The following LRRTM4 variants were observed in gnomAD, a reference collection of about 807,000 sequenced individuals.
LRRTM4 encodes leucine-rich repeat transmembrane neuronal protein 4.
LRRTM4 carries 25 observed loss-of-function variants against 47.6 expected under a neutral mutation model. The observed-to-expected ratio is 0.53, with a 90% CI of 0.38 to 0.73. The LOEUF (loss-of-function observed/expected upper bound fraction) is 0.73. LRRTM4 is among the 30% of genes least tolerant of loss of function. The probability of loss-of-function intolerance (pLI) is 0.00; values close to 1 mark genes in which losing one functional copy is unlikely to be tolerated. For missense variants in LRRTM4, 638 were observed against 713.4 expected (o/e 0.89, Z 1.20); for synonymous variants, 311 against 269.5 (o/e 1.15, Z -1.51).
intron 3 of LRRTM4, among the ~76,000 whole-genome samples, chr2:77,089,939 T>C (rs1680875165): frequency 6.6e-6 from 1 of 152,078 alleles, no homozygotes; most frequent in African/African-American, 2.4e-5. Flanking sequence ...GTGCAACTCA[T>C]CCCAAATCTT....
chr2:76,872,887 C>T (rs1374310532), intron 3 of LRRTM4, among the ~76,000 whole-genome samples: 3 of 151,978 alleles, frequency 2.0e-5, no homozygotes, highest in Admixed American at 2.0e-4. Flanking sequence ...CTGGAACCTT[C>T]CCACTCACCC....
chr2:76,807,882 ATTTTC>A (rs996693528), intron 3 of LRRTM4, among the ~76,000 whole-genome samples: 2 of 150,716 alleles, frequency 1.3e-5, no homozygotes, highest in African/African-American at 4.9e-5. Context: ...CACCCGGCCT[ATTTTC>A]TTTTCTTCTT....
At chr2:77,095,791 G>T (rs1572958388) in intron 3 of LRRTM4, among the ~76,000 whole-genome samples, 1 of 152,148 alleles carries the variant, frequency 6.6e-6, no homozygotes, top group Non-Finnish European at 1.5e-5. Flanking sequence ...GGGATTATAG[G>T]TGTAAGCCAC....
intron 3 of LRRTM4, among the ~76,000 whole-genome samples, chr2:76,952,967 G>T (rs185231558): frequency 6.6e-6 from 1 of 151,830 alleles, no homozygotes; most frequent in Non-Finnish European, 1.5e-5. Context: ...TTATAAGTGG[G>T]AGCTGAACAT....
chr2:76,980,944 T>A (rs1676588953), intron 3 of LRRTM4, among the ~76,000 whole-genome samples: 1 of 152,122 alleles, frequency 6.6e-6, no homozygotes, highest in African/African-American at 2.4e-5. Context: ...TTAAGTGATC[T>A]TATCTACCTG....
intron 3 of LRRTM4, among the ~76,000 whole-genome samples, chr2:76,786,758 A>G (rs1034234507): frequency 6.6e-6 from 1 of 152,170 alleles, no homozygotes; most frequent in African/African-American, 2.4e-5. Context: ...GATTGCAGAA[A>G]AAAAAAATGC....
At chr2:76,818,972 A>G (rs1449796253) in intron 3 of LRRTM4, among the ~76,000 whole-genome samples, 1 of 151,812 alleles carries the variant, frequency 6.6e-6, no homozygotes, top group African/African-American at 2.4e-5. Flanking sequence ...TTACTAGTTT[A>G]TATGTTGTCC....
chr2:77,196,609 T>C (rs1673833498), intron 3 of LRRTM4, among the ~76,000 whole-genome samples: 2 of 152,044 alleles, frequency 1.3e-5, no homozygotes, highest in Admixed American at 1.3e-4. Flanking sequence ...CCGGGTATGG[T>C]AGCAGGCACC....
At chr2:77,046,155 G>A (rs564394058) in intron 3 of LRRTM4, among the ~76,000 whole-genome samples, 16 of 152,012 alleles carry the variant, frequency 1.1e-4, no homozygotes, top group Admixed American at 8.5e-4. Flanking sequence ...TTTGATTGCA[G>A]TTCAACTATT....
chr2:76,755,200 C>A (rs1258011422), intron 3 of LRRTM4, among the ~76,000 whole-genome samples: 2 of 152,022 alleles, frequency 1.3e-5, no homozygotes, highest in Non-Finnish European at 2.9e-5. Context: ...TTACAATGTT[C>A]AATATTTATA....
At chr2:77,268,633 C>T (rs1285046083) in intron 3 of LRRTM4, among the ~76,000 whole-genome samples, 1 of 152,084 alleles carries the variant, frequency 6.6e-6, no homozygotes, top group African/African-American at 2.4e-5. Context: ...ACTAGGTTAT[C>T]CCAGTTGCTC....
intron 3 of LRRTM4, among the ~76,000 whole-genome samples, chr2:76,770,090 C>T (rs983144087): frequency 6.6e-6 from 1 of 152,086 alleles, no homozygotes; most frequent in African/African-American, 2.4e-5. Flanking sequence ...TGTAGTCAAT[C>T]AGTCTGAAAG....
intron 3 of LRRTM4, among the ~76,000 whole-genome samples, chr2:77,140,806 G>C (rs1672099139): frequency 6.6e-6 from 1 of 152,164 alleles, no homozygotes; most frequent in South Asian, 2.1e-4. Flanking sequence ...CAAAAAGTGG[G>C]TGAAGGATAT....
chr2:76,947,709 C>T (rs1675367414), intron 3 of LRRTM4, among the ~76,000 whole-genome samples: 1 of 151,730 alleles, frequency 6.6e-6, no homozygotes, highest in South Asian at 2.1e-4. Flanking sequence ...TTTTCATAAC[C>T]TACTTTAGAT....
intron 3 of LRRTM4, among the ~76,000 whole-genome samples, chr2:76,845,829 T>A (rs1183402230): frequency 1.3e-5 from 2 of 151,992 alleles, no homozygotes; most frequent in Non-Finnish European, 2.9e-5. Flanking sequence ...ACAACTCTGG[T>A]TCAATGCCCT....
chr2:77,059,456 C>A (rs1166888251), intron 3 of LRRTM4, among the ~76,000 whole-genome samples: 1 of 147,640 alleles, frequency 6.8e-6, no homozygotes, highest in Non-Finnish European at 1.5e-5. Flanking sequence ...TTATATTTGG[C>A]CTAGAGTCAA....
intron 3 of LRRTM4, among the ~76,000 whole-genome samples, chr2:77,027,506 C>T (rs1678496390): frequency 6.6e-6 from 1 of 152,098 alleles, no homozygotes; most frequent in Non-Finnish European, 1.5e-5. Flanking sequence ...TGAGTAGCCA[C>T]TCAAGGGTCT....
chr2:76,748,103 G>T lies in LRRTM4; in HGVS notation c.*592C>A, dbSNP rs1202390940. 6.6e-6 allele frequency: 1 copy of T among 152,384 alleles called. No homozygotes were observed. Among genetic ancestry groups the T allele is most frequent in the Non-Finnish European group, 1.5e-5 (1 of 68,276 alleles). 9.4% of individuals were successfully genotyped at this position (152,384 alleles called of 1,614,324 possible). A position where few individuals can be genotyped will look rare whatever the true frequency, so the allele number is the denominator to read the frequency against. The stretch of plus-strand genomic sequence containing the variant: ...AACTTTCTCCGTGGTCCGTGGTAAA[G>T]CACATTTTCTTTTGGTACAACATAA... On this transcript the variant is annotated 3_prime_UTR_variant, in exon 4 of 4. Coordinates refer to ENST00000409884, the MANE Select transcript of LRRTM4 (RefSeq NM_001134745.3).
At chr2:76,750,996 C>T (rs1247273731) in intron 3 of LRRTM4, among the ~76,000 whole-genome samples, 1 of 149,696 alleles carries the variant, frequency 6.7e-6, no homozygotes, top group Non-Finnish European at 1.5e-5. Flanking sequence ...TAGAAAGTAT[C>T]AGAGTATAAA....
Sources: allele counts gnomAD v4.1 joint callset (sites outside exome capture counted in the v4.1 genomes callset), GRCh38; gene constraint gnomAD v4.1.1; transcripts MANE v1.5; gene names NCBI Gene and HGNC (gene_info 2026-07-23, HGNC 2026-07-21).